Variants in GALNTL5 observed in about 807,000 individuals in gnomAD.
The protein encoded by GALNTL5 is inactive polypeptide N-acetylgalactosaminyltransferase-like protein 5.
Under a neutral mutation model 51.0 loss-of-function variants are expected in GALNTL5, and 44 were observed. That is an observed-to-expected ratio of 0.86 (90% CI 0.68 to 1.11). The LOEUF (loss-of-function observed/expected upper bound fraction) is 1.11. GALNTL5 is among the 50% of genes least tolerant of loss of function. The pLI, the probability that GALNTL5 is intolerant of heterozygous loss-of-function variation, is 0.00. For missense variants in GALNTL5, 528 were observed against 531.8 expected, an observed-to-expected ratio of 0.99 and a Z score of 0.07; for synonymous variants, 192 against 182.8, an observed-to-expected ratio of 1.05 and a Z score of -0.41.
chr7:151,958,636 C>A (rs1164669173), intron 1 of GALNTL5, among the ~76,000 whole-genome samples: 1 of 151,968 alleles, frequency 6.6e-6, no homozygotes, highest in Non-Finnish European at 1.5e-5. Context: ...CCCACTGGTG[C>A]TCCTAGGCTG....
chr7:152,012,017 T>C (rs768031674), intron 7 of GALNTL5, among the ~76,000 whole-genome samples: 5 of 152,222 alleles, frequency 3.3e-5, no homozygotes, highest in African/African-American at 4.8e-5. Flanking sequence ...AGTCTCTGAA[T>C]TGGATTCAGA....
intron 5 of GALNTL5, among the ~76,000 whole-genome samples, chr7:151,990,386 C>G (rs2081411682): frequency 6.6e-6 from 1 of 151,638 alleles, no homozygotes; most frequent in Non-Finnish European, 1.5e-5. Flanking sequence ...GCCCACTTCA[C>G]TGGCTAACAC....
chr7:152,010,363 G>C (rs181464157), intron 7 of GALNTL5, among the ~76,000 whole-genome samples: 1 of 152,072 alleles, frequency 6.6e-6, no homozygotes, highest in Admixed American at 6.6e-5. Context: ...CGCCTGCCTC[G>C]GCCTCCCAAA....
At chr7:151,969,901 G>A (rs2081109440) in intron 2 of GALNTL5, among the ~76,000 whole-genome samples, 1 of 152,164 alleles carries the variant, frequency 6.6e-6, no homozygotes, top group African/African-American at 2.4e-5. Context: ...CCGCCTCCGG[G>A]GTTCACGCCA....
Position 152,014,633 on chromosome 7 carries a change from C to T in GALNTL5, c.1027-11C>T, listed in dbSNP as rs1342431868. On this transcript the variant is annotated splice_polypyrimidine_tract_variant and intron_variant, in intron 7 of 8. Coordinates refer to ENST00000392800, the MANE Select transcript of GALNTL5 (RefSeq NM_145292.4). ...ATGCATTCGTATGTTTTTTGTTCTT[C>T]TTATGCCTAGATCTGGATGTGTGGA... is the stretch of plus-strand genomic sequence containing the variant. 2.5e-6 allele frequency: 4 copies of T among 1,588,468 alleles called. No individual in the cohort carries two copies. Among genetic ancestry groups the T allele is most frequent in the Admixed American group, 3.7e-5 (2 of 53,530 alleles).
At chr7:152,012,997 T>C (rs1051670840) in intron 7 of GALNTL5, among the ~76,000 whole-genome samples, 8 of 152,166 alleles carry the variant, frequency 5.3e-5, no homozygotes, top group African/African-American at 1.9e-4. Flanking sequence ...ATATACACCA[T>C]GGAATGTTAC....
intron 4 of GALNTL5, among the ~76,000 whole-genome samples, chr7:151,986,403 G>A (rs1274242919): frequency 9.2e-5 from 14 of 152,210 alleles, no homozygotes; most frequent in Non-Finnish European, 1.0e-4. Context: ...GGGAGACCAA[G>A]ATGGGAGGAT....
chr7:152,008,540 G>A (rs895617369), intron 7 of GALNTL5, among the ~76,000 whole-genome samples: 8 of 151,142 alleles, frequency 5.3e-5, no homozygotes, highest in Non-Finnish European at 1.0e-4. Flanking sequence ...AATTTTTTCT[G>A]TTTTGGATTT....
intron 7 of GALNTL5, 123 bp from the exon 8 acceptor site, chr7:152,014,521 G>C: frequency 1.1e-6 from 1 of 888,106 alleles, no homozygotes; most frequent in South Asian, 1.8e-5. Context: ...GACTGCCTTG[G>C]CCTCCCAAAA....
intron 6 of GALNTL5, among the ~76,000 whole-genome samples, chr7:152,007,171 A>G (rs1384480829): frequency 6.6e-6 from 1 of 152,208 alleles, no homozygotes; most frequent in Non-Finnish European, 1.5e-5. Context: ...TAAATATTAC[A>G]ATTCACCTAA....
chr7:152,000,393 C>T (rs768640930), intron 5 of GALNTL5, among the ~76,000 whole-genome samples: 2 of 152,174 alleles, frequency 1.3e-5, no homozygotes, highest in Non-Finnish European at 2.9e-5. Flanking sequence ...TGACCAGAGA[C>T]CACCAGGGAT....
rs2081128750 is a variant in GALNTL5, at chr7:151,971,043, G to C, written c.346G>C (p.Val116Leu). ...TAGAAGCTTGGGCATCGAAAGAGAA[G>C]TGCCAGATACCAGGAGTAAAATGTA... is the stretch of plus-strand genomic sequence containing the variant. ...ISRSLGIEREVPDTRSKMCLQ... is the reference protein window; with the variant it reads ...ISRSLGIERELPDTRSKMCLQ... The change falls in exon 3 of 9, where the codon GTG becomes CTG. Residue 116 changes from valine to leucine, a missense_variant. Physicochemically the swap from Val to Leu is conservative, Grantham distance 32. Coordinates refer to ENST00000392800, the MANE Select transcript of GALNTL5 (RefSeq NM_145292.4). The C allele has an allele frequency of 6.2e-7, 1 of 1,611,078 alleles. No individual in the cohort carries two copies. The highest frequency in any genetic ancestry group is 8.5e-7 in the Non-Finnish European group (1 of 1,177,862).
intron 3 of GALNTL5, among the ~76,000 whole-genome samples, chr7:151,973,157 A>C (rs1161527452): frequency 1.3e-5 from 2 of 152,100 alleles, no homozygotes; most frequent in Admixed American, 6.5e-5. Context: ...AGATCATTTC[A>C]GAACTTTAAG....
chr7:152,018,477 C>T (rs917906383), intron 8 of GALNTL5, among the ~76,000 whole-genome samples: 12 of 151,770 alleles, frequency 7.9e-5, no homozygotes, highest in African/African-American at 2.7e-4. Context: ...TTTCTGTGAA[C>T]GCTGGTCAGG....
intron 5 of GALNTL5, among the ~76,000 whole-genome samples, chr7:151,988,271 T>C (rs887346980): frequency 1.3e-5 from 2 of 152,216 alleles, no homozygotes; most frequent in African/African-American, 4.8e-5. Flanking sequence ...TCAACGCTGC[T>C]GGGCGGCTGA....
chr7:151,984,326 G>A (rs896203266), intron 4 of GALNTL5: 1 of 152,146 alleles, frequency 6.6e-6, no homozygotes, highest in Non-Finnish European at 1.5e-5. Context: ...CAAGCCAGGA[G>A]TACCAAAGCA....
chr7:151,992,478 C>G (rs931908637), intron 5 of GALNTL5, among the ~76,000 whole-genome samples: 2 of 152,154 alleles, frequency 1.3e-5, no homozygotes, highest in South Asian at 2.1e-4. Flanking sequence ...AGCTTCTGGC[C>G]GTGGCTGCCA....
chr7:151,970,607 G>A (rs1240211577), intron 2 of GALNTL5: 1 of 218,896 alleles, frequency 4.6e-6, no homozygotes, highest in Non-Finnish European at 9.1e-6. Flanking sequence ...CTCACCACGT[G>A]ACCTGCCTGT....
intron 5 of GALNTL5, among the ~76,000 whole-genome samples, chr7:151,988,309 A>G (rs934856607): frequency 6.6e-6 from 1 of 152,220 alleles, no homozygotes; most frequent in South Asian, 2.1e-4. Context: ...GCAGCTTGAT[A>G]GAGAGCCCAG....
Sources: allele counts gnomAD v4.1 joint callset (sites outside exome capture counted in the v4.1 genomes callset), GRCh38; gene constraint gnomAD v4.1.1; transcripts MANE v1.5; gene names NCBI Gene and HGNC (gene_info 2026-07-23, HGNC 2026-07-21).